Variants in MARCHF1 observed in about 807,000 individuals in gnomAD.
MARCHF1 encodes the protein membrane associated ring-CH-type finger 1, also known as E3 ubiquitin-protein ligase MARCHF1.
Under a neutral mutation model 54.2 loss-of-function variants are expected in MARCHF1, and 40 were observed. The ratio of observed to expected loss-of-function variants is 0.74; its 90% confidence interval spans 0.57 to 0.96. The LOEUF is 0.96. Among genes scored for constraint, MARCHF1 ranks in the 40% least tolerant of loss-of-function variants. MARCHF1 has a pLI of 0.00. For synonymous variants in MARCHF1, 236 were observed against 236.3 expected, an observed-to-expected ratio of 1.00 and a Z score of 0.01; for missense variants, 586 against 656.5, an observed-to-expected ratio of 0.89 and a Z score of 1.17.
At chr4:163,832,636 C>T (rs534201299) in intron 4 of MARCHF1, among the ~76,000 whole-genome samples, 2,180 of 150,748 alleles carry the variant, frequency 0.014, 46 homozygotes, top group African/African-American at 0.046. Flanking sequence ...ATGTGCACAA[C>T]GTGCAGGTTA....
At chr4:164,193,297 AC>A (rs1731168764) in intron 1 of MARCHF1, among the ~76,000 whole-genome samples, 1 of 151,900 alleles carries the variant, frequency 6.6e-6, no homozygotes, top group South Asian at 2.1e-4. Context: ...AAAAAGCATG[AC>A]TATTCTTCTG....
At chr4:164,233,009 TG>T (rs1312171528) in intron 1 of MARCHF1, among the ~76,000 whole-genome samples, 1 of 152,152 alleles carries the variant, frequency 6.6e-6, no homozygotes, top group African/African-American at 2.4e-5. Flanking sequence ...AAACTTCCCC[TG>T]GACACCCATC....
chr4:164,344,592 A>G (rs2110857198), intron 1 of MARCHF1, among the ~76,000 whole-genome samples: 1 of 152,214 alleles, frequency 6.6e-6, no homozygotes, highest in South Asian at 2.1e-4. Context: ...CTGCTGTGTT[A>G]GTTGGGTAAG....
At chr4:164,080,591 C>T (rs1482414618) in intron 2 of MARCHF1, among the ~76,000 whole-genome samples, 2 of 151,416 alleles carry the variant, frequency 1.3e-5, no homozygotes, top group East Asian at 1.9e-4. Context: ...CAAATTTCTC[C>T]TAAAATTTGT....
chr4:164,143,844 G>T (rs1380053287), intron 1 of MARCHF1, among the ~76,000 whole-genome samples: 1 of 152,166 alleles, frequency 6.6e-6, no homozygotes, highest in African/African-American at 2.4e-5. Flanking sequence ...AATGTCAATG[G>T]ACTAAATGCT....
chr4:164,286,830 AGGCTAC>A (rs1734162435), intron 1 of MARCHF1, among the ~76,000 whole-genome samples: 1 of 150,188 alleles, frequency 6.7e-6, no homozygotes, highest in Non-Finnish European at 1.5e-5. Flanking sequence ...ATTTAAACTA[AGGCTAC>A]TGTGGGAAGC....
chr4:164,128,311 C>T (rs985008145), intron 1 of MARCHF1, among the ~76,000 whole-genome samples: 32 of 151,868 alleles, frequency 2.1e-4, no homozygotes, highest in African/African-American at 7.7e-4. Context: ...ATTTAAAATA[C>T]AGATTTTATA....
At chr4:163,752,117 A>AC (rs771701646) in intron 4 of MARCHF1, among the ~76,000 whole-genome samples, 12 of 152,214 alleles carry the variant, frequency 7.9e-5, no homozygotes, top group Non-Finnish European at 1.3e-4. Context: ...CGGCTGTAAT[A>AC]ATGTGTCATC....
rs911793721 is a variant in MARCHF1 at position 164,127,069 on chromosome 4, A to G, written c.-322-15407T>C. ...ACTCCGTCTCAAAACAAAACAAAAC[A>G]AAACAAAACAAAGAGGAATATGTTA... On this transcript the variant is annotated intron_variant, in intron 1 of 9. Coordinates refer to ENST00000514618, the MANE Select transcript of MARCHF1 (RefSeq NM_001394959.1). 1.2e-3 allele frequency among the ~76,000 whole-genome samples: 178 copies of G among 152,126 alleles called. 1 individual carries two copies. The highest frequency in any genetic ancestry group is 4.1e-3 in the African/African-American group (171 of 41,550).
At chr4:164,141,597 C>T (rs576049252) in intron 1 of MARCHF1, among the ~76,000 whole-genome samples, 1 of 152,314 alleles carries the variant, frequency 6.6e-6, no homozygotes, top group African/African-American at 2.4e-5. Flanking sequence ...CCCTACAAGT[C>T]GCAACATAGA....
intron 1 of MARCHF1, among the ~76,000 whole-genome samples, chr4:164,184,186 C>A (rs1730906238): frequency 6.6e-6 from 1 of 152,164 alleles, no homozygotes. Context: ...CTCAACACCA[C>A]AATATGAGAT....
At chr4:163,884,473 C>A (rs1750486058) in intron 3 of MARCHF1, among the ~76,000 whole-genome samples, 1 of 151,976 alleles carries the variant, frequency 6.6e-6, no homozygotes, top group Non-Finnish European at 1.5e-5. Flanking sequence ...CCTCTCTTAC[C>A]TCTGAGAGGT....
chr4:163,838,180 A>T lies in MARCHF1; in HGVS notation c.111+15841T>A, dbSNP rs932747823. Among the ~76,000 whole-genome samples, 8 of 152,268 alleles carry T rather than the reference A, an allele frequency of 5.3e-5. No homozygotes were observed. The East Asian group carries it at 1.5e-3, about 29-fold the overall frequency. ...TTATCTGTGAAAGACTGGTTCCAGGAACTCCTGAAAATACCAAAATCCATG... is the reference window on the plus strand; with the variant it reads ...TTATCTGTGAAAGACTGGTTCCAGGTACTCCTGAAAATACCAAAATCCATG... On this transcript the variant is annotated intron_variant, in intron 4 of 9. Coordinates refer to ENST00000514618, the MANE Select transcript of MARCHF1 (RefSeq NM_001394959.1).
At chr4:164,074,667 G>A (rs1479528216) in intron 2 of MARCHF1, among the ~76,000 whole-genome samples, 1 of 152,036 alleles carries the variant, frequency 6.6e-6, no homozygotes, top group Non-Finnish European at 1.5e-5. Flanking sequence ...AGTATTTATA[G>A]ACATGGAAAA....
chr4:163,593,108 T>C (rs990936424), intron 7 of MARCHF1, among the ~76,000 whole-genome samples: 1 of 152,180 alleles, frequency 6.6e-6, no homozygotes, highest in Non-Finnish European at 1.5e-5. Context: ...AGTTCCCCAG[T>C]GCCATTTATC....
At chr4:163,569,397 G>A (rs2110745498) in intron 8 of MARCHF1, among the ~76,000 whole-genome samples, 1 of 152,196 alleles carries the variant, frequency 6.6e-6, no homozygotes, top group African/African-American at 2.4e-5. Flanking sequence ...TTGAAAACCA[G>A]TTGTAATCTC....
intron 3 of MARCHF1, among the ~76,000 whole-genome samples, chr4:163,948,865 A>G (rs1261654464): frequency 6.6e-6 from 1 of 152,258 alleles, no homozygotes; most frequent in Non-Finnish European, 1.5e-5. Flanking sequence ...AATGATTACT[A>G]CAACAAGTTG....
intron 9 of MARCHF1, among the ~76,000 whole-genome samples, chr4:163,539,602 G>C (rs1738659572): frequency 6.6e-6 from 1 of 152,160 alleles, no homozygotes; most frequent in Non-Finnish European, 1.5e-5. Context: ...GGGTGTCCCA[G>C]CTTGACTCAA....
intron 1 of MARCHF1, among the ~76,000 whole-genome samples, chr4:164,315,725 A>C (rs1395127884): frequency 6.6e-6 from 1 of 152,190 alleles, no homozygotes; most frequent in Non-Finnish European, 1.5e-5. Flanking sequence ...GAGCATTGAG[A>C]GGTATTGGGA....
Sources: allele counts gnomAD v4.1 joint callset (sites outside exome capture counted in the v4.1 genomes callset), GRCh38; gene constraint gnomAD v4.1.1; transcripts MANE v1.5; gene names NCBI Gene and HGNC (gene_info 2026-07-23, HGNC 2026-07-21).